The following HEY2 variants were observed in gnomAD, a reference collection of about 807,000 sequenced individuals.
HEY2 encodes the protein hes related family bHLH transcription factor with YRPW motif 2.
A neutral mutation model predicts 18.1 loss-of-function variants in HEY2; 10 were observed. The ratio of observed to expected loss-of-function variants is 0.55; its 90% CI spans 0.34 to 0.94. The LOEUF (loss-of-function observed/expected upper bound fraction) is 0.94. Among genes scored for constraint, HEY2 ranks in the 40% least tolerant of loss-of-function variants. HEY2 has a pLI of 0.02. For synonymous variants in HEY2, 210 were observed against 182.7 expected (o/e 1.15, Z -1.21); for missense variants, 455 against 455.9 (o/e 1.00, Z 0.02).
At chr6:125,750,959 A>G (rs1174775507) in intron 1 of HEY2, among the ~76,000 whole-genome samples, 3 of 152,376 alleles carry the variant, frequency 2.0e-5, no homozygotes, top group East Asian at 3.9e-4. Flanking sequence ...CATAGTATCC[A>G]TGAATTATGA....
chr6:125,752,648 G>A (rs1193919088), intron 3 of HEY2, among the ~76,000 whole-genome samples: 1 of 152,074 alleles, frequency 6.6e-6, no homozygotes, highest in East Asian at 1.9e-4. Context: ...TGGTAAAAAT[G>A]AAGTTAATCA....
At position 125,759,274 on chromosome 6, in the gene HEY2, C is replaced by A. The variant is rs1347132871; in HGVS notation, c.486C>A (p.Thr162=). ...RLVSHLSTCA[T]QREAAAMTSS... is the part of the protein sequence containing the mutation. ...TGTCTCATCTCAGCACTTGCGCCACCCAGCGGGAGGCGGCGGCCATGACAT... is the reference window on the plus strand; with the variant it reads ...TGTCTCATCTCAGCACTTGCGCCACACAGCGGGAGGCGGCGGCCATGACAT... The change falls in exon 5 of 5, where the codon ACC becomes ACA. Residue 162 remains threonine (T), a synonymous_variant. Coordinates refer to ENST00000368364, the MANE Select transcript of HEY2 (RefSeq NM_012259.3). 1 of 1,607,440 alleles carries A rather than the reference C, an allele frequency of 6.2e-7. No individual in the cohort carries two copies. The highest frequency in any genetic ancestry group is 1.3e-5 in the African/African-American group (1 of 74,934).
In HEY2 at chr6:125,752,801, T is replaced by A. The variant is rs1773580023; in HGVS notation, c.246+711T>A. Among the ~76,000 whole-genome samples, 5 of 152,326 alleles carry A rather than the reference T, an allele frequency of 3.3e-5. No homozygotes were observed. In the South Asian group the frequency reaches 1.0e-3, roughly 32 times the overall value. On this transcript the variant is annotated intron_variant, in intron 3 of 4. Coordinates refer to ENST00000368364, the MANE Select transcript of HEY2 (RefSeq NM_012259.3). ...CATGGCTCTCCCCCTGCCGCAGTGGTTAATGACACAGATTTCTAAGAGTAT... is the reference window on the plus strand; with the variant it reads ...CATGGCTCTCCCCCTGCCGCAGTGGATAATGACACAGATTTCTAAGAGTAT...
chr6:125,749,848 C>T lies in HEY2; in HGVS notation c.72C>T (p.Asn24=). 1 of 1,578,404 alleles carries T rather than the reference C, an allele frequency of 6.3e-7. No homozygotes were observed. ...MDETIDVGSE[N]NYSGQSTSSV... is the part of the protein sequence containing the mutation. The stretch of plus-strand genomic sequence containing the variant: ...AGACCATCGACGTGGGGAGCGAGAA[C>T]AATTACTCGGGGTGAGCGCGGGCTC... The change falls in exon 1 of 5, where the codon AAC becomes AAT. Residue 24 remains asparagine, a synonymous_variant. Transcript: ENST00000368364.
At chr6:125,751,525 C>T (rs191390063) in intron 1 of HEY2, among the ~76,000 whole-genome samples, 24 of 152,280 alleles carry the variant, frequency 1.6e-4, no homozygotes, top group African/African-American at 5.3e-4. Flanking sequence ...GCCCAACTGC[C>T]GGTAATTATT....
rs77854832 is a variant in HEY2, at chr6:125,760,325, A to G, written c.*523A>G. ...TGCAATAGGCTGCAGACATTTTAAT[A>G]CCATGCCAGAGAAGAGTATTCTGCT... On this transcript the variant is annotated 3_prime_UTR_variant, in exon 5 of 5. Coordinates refer to ENST00000368364, the MANE Select transcript of HEY2 (RefSeq NM_012259.3). 8,570 of 154,734 alleles carry G rather than the reference A, an allele frequency of 0.055. 314 individuals are homozygous for G. The highest frequency in any genetic ancestry group is 0.091 in the Middle Eastern group (27 of 296). 9.6% of individuals were successfully genotyped at this position (154,734 alleles called of 1,614,324 possible).
intron 3 of HEY2, among the ~76,000 whole-genome samples, chr6:125,752,678 T>C (rs1032941782): frequency 5.9e-5 from 9 of 152,198 alleles, no homozygotes; most frequent in African/African-American, 2.2e-4. Context: ...CTTTTCATAG[T>C]TACCTATTCC....
Position 125,759,722 on chromosome 6 carries a change from A to G in HEY2, c.934A>G (p.Thr312Ala). The G allele has an allele frequency of 6.2e-7, 1 of 1,613,636 alleles. No homozygotes were observed. Among genetic ancestry groups the G allele is most frequent in the Non-Finnish European group, 8.5e-7 (1 of 1,180,040 alleles). ...CAGCCCGCCCTTGTCAGTATCAGCC[A>G]CGTCCAGTCCTCAGCAGACCAGCAG... ...AISPPLSVSA[T>A]SSPQQTSSGT... The change falls in exon 5 of 5, where the codon ACG (threonine) becomes GCG (alanine). Residue 312 changes from threonine (T) to alanine (A), a missense_variant. Transcript: ENST00000368364.
chr6:125,755,516 T>C (rs1033875917), intron 4 of HEY2, among the ~76,000 whole-genome samples: 2 of 152,202 alleles, frequency 1.3e-5, no homozygotes, highest in Admixed American at 6.5e-5. Context: ...TTTACTACAC[T>C]GTATACGGGT....
Position 125,749,640 on chromosome 6 carries a change from C to G in HEY2, c.-137C>G, listed in dbSNP as rs1043524009. On this transcript the variant is annotated 5_prime_UTR_variant, in exon 1 of 5. Transcript: ENST00000368364. The stretch of plus-strand genomic sequence containing the variant: ...GCAGAGTTGCGGCGTGGGAAAGAGC[C>G]GCTAGGAGCAGACCGCGCCGCCGCC... 21 of 490,378 alleles carry G rather than the reference C, an allele frequency of 4.3e-5. No homozygotes were observed. The East Asian group carries it at 7.6e-4, about 18-fold the overall frequency. 30.4% of individuals were successfully genotyped at this position (490,378 alleles called of 1,614,324 possible).
rs1357599365 is a variant in HEY2 at position 125,759,288 on chromosome 6, C to T, written c.500C>T (p.Ala167Val). ...ACTTGCGCCACCCAGCGGGAGGCGG[C>T]GGCCATGACATCCTCCATGGCCCAC... ...LSTCATQREA[A>V]AMTSSMAHHH... The change falls in exon 5 of 5, where the codon GCG (alanine) becomes GTG (valine). Residue 167 changes from alanine (A) to valine (V), a missense_variant. Ala to Val is a moderately conservative substitution (Grantham distance 64). Transcript: ENST00000368364. The T allele has an allele frequency of 1.2e-5, 19 of 1,605,674 alleles. No homozygotes were observed. The highest frequency in any genetic ancestry group is 1.6e-5 in the Non-Finnish European group (19 of 1,179,826).
intron 4 of HEY2, among the ~76,000 whole-genome samples, chr6:125,755,428 T>C (rs1003483096): frequency 6.6e-6 from 1 of 152,196 alleles, no homozygotes; most frequent in African/African-American, 2.4e-5. Context: ...ATTTAACAAC[T>C]GAATAAGGAG....
Position 125,760,175 on chromosome 6 carries a change from G to C in HEY2, c.*373G>C. The C allele has an allele frequency of 5.1e-6, 1 of 195,752 alleles. No homozygotes were observed. Among genetic ancestry groups the C allele is most frequent in the Non-Finnish European group, 1.1e-5 (1 of 95,050 alleles). 12.1% of individuals were successfully genotyped at this position (195,752 alleles called of 1,614,324 possible). On this transcript the variant is annotated 3_prime_UTR_variant, in exon 5 of 5. Coordinates refer to ENST00000368364, the MANE Select transcript of HEY2 (RefSeq NM_012259.3). ...ACTAGATGGGACATACATATATAGA[G>C]AGAGAGTGAGAGAGTCGTGTTTCGT...
intron 1 of HEY2, among the ~76,000 whole-genome samples, chr6:125,751,377 C>T (rs1421988742): frequency 6.6e-6 from 1 of 152,162 alleles, no homozygotes; most frequent in African/African-American, 2.4e-5. Flanking sequence ...GATAGTGGTG[C>T]TTAACATAAC....
In HEY2 at chr6:125,749,821, C is replaced by T. The variant is rs781027590; in HGVS notation, c.45C>T (p.Asp15=). 2.5e-6 allele frequency: 4 copies of T among 1,585,986 alleles called. No individual in the cohort carries two copies. The highest frequency in any genetic ancestry group is 2.6e-6 in the Non-Finnish European group (3 of 1,166,666). The change falls in exon 1 of 5, where the codon GAC becomes GAT. Residue 15 remains aspartate, a synonymous_variant. Transcript: ENST00000368364. Reference sequence around the variant, plus strand: ...AGACGACCTCCGAGAGCGACATGGACGAGACCATCGACGTGGGGAGCGAGA... The same window carrying T: ...AGACGACCTCCGAGAGCGACATGGATGAGACCATCGACGTGGGGAGCGAGA... ...CEETTSESDM[D]ETIDVGSENN...
Position 125,759,547 on chromosome 6 carries a change from C to G in HEY2, c.759C>G (p.Leu253=), listed in dbSNP as rs547928654. 3.8e-5 allele frequency: 61 copies of G among 1,611,040 alleles called. 2 individuals are homozygous for G. In the South Asian group the frequency reaches 6.1e-4, roughly 16 times the overall value. The change falls in exon 5 of 5, where the codon CTC becomes CTG. Residue 253 remains leucine, a synonymous_variant. Transcript: ENST00000368364. ...TGSVAPCVPP[L]STSLLSLSAT... ...GCGTCGCCCCCTGCGTGCCACCTCT[C>G]TCCACCTCTCTCTTGTCCCTCTCTG...
chr6:125,752,427 C>CAACA (rs1554254894), intron 3 of HEY2, among the ~76,000 whole-genome samples: 29 of 117,728 alleles, frequency 2.5e-4, no homozygotes, highest in African/African-American at 9.6e-4. Flanking sequence ...CCGTATCCTT[C>CAACA]AAAAAAAAAA....
At position 125,749,874 on chromosome 6, in the gene HEY2, C is replaced by T; in HGVS notation, c.83+15C>T. ...AATTACTCGGGGTGAGCGCGGGCTC[C>T]GCGGGAGCGGCCCGCAGCTCGGGAG... On this transcript the variant is annotated intron_variant, in intron 1 of 4. Transcript: ENST00000368364. The T allele has an allele frequency of 1.3e-6, 2 of 1,556,106 alleles. No individual in the cohort carries two copies. Among genetic ancestry groups the T allele is most frequent in the Non-Finnish European group, 8.7e-7 (1 of 1,149,358 alleles).
chr6:125,759,748 T>C lies in HEY2; in HGVS notation c.960T>C (p.Ser320=). The change falls in exon 5 of 5, where the codon AGT becomes AGC. Residue 320 remains serine, a synonymous_variant. Coordinates refer to ENST00000368364, the MANE Select transcript of HEY2 (RefSeq NM_012259.3). ...CGTCCAGTCCTCAGCAGACCAGCAGTGGAACAAACAATAAACCTTACCGAC... is the reference window on the plus strand; with the variant it reads ...CGTCCAGTCCTCAGCAGACCAGCAGCGGAACAAACAATAAACCTTACCGAC... ...SATSSPQQTS[S]GTNNKPYRPW... is the part of the protein sequence containing the mutation. 1.2e-6 allele frequency: 2 copies of C among 1,613,878 alleles called. No individual in the cohort carries two copies. Among genetic ancestry groups the C allele is most frequent in the Non-Finnish European group, 1.7e-6 (2 of 1,180,042 alleles).
Sources: allele counts gnomAD v4.1 joint callset (sites outside exome capture counted in the v4.1 genomes callset), GRCh38; gene constraint gnomAD v4.1.1; transcripts MANE v1.5; gene names NCBI Gene and HGNC (gene_info 2026-07-23, HGNC 2026-07-21).